XKR7: variants seen among roughly 807,000 people sequenced by gnomAD.
XKR7 encodes the protein XK-related protein 7.
Under a neutral mutation model 42.2 loss-of-function variants are expected in XKR7, and 11 were observed. The ratio of observed to expected loss-of-function variants is 0.26; its 90% CI spans 0.16 to 0.43. The LOEUF (loss-of-function observed/expected upper bound fraction) is 0.43, where lower values mean the gene tolerates loss of function less well. XKR7 is among the 20% of genes least tolerant of loss of function. The probability of loss-of-function intolerance (pLI) is 1.00; values close to 1 mark genes in which losing one functional copy is unlikely to be tolerated. For synonymous variants in XKR7, 346 were observed against 366.4 expected (o/e 0.94, Z 0.64); for missense variants, 710 against 802.2 (o/e 0.89, Z 1.39).
At chr20:31,996,296 C>T (rs79772917) in intron 2 of XKR7, among the ~76,000 whole-genome samples, 2,457 of 152,024 alleles carry the variant, frequency 0.016, 71 homozygotes, top group African/African-American at 0.056. Flanking sequence ...TACAGAAGTA[C>T]CCAGTCCCGT....
At chr20:31,996,298 C>T (rs1171211139) in intron 2 of XKR7, among the ~76,000 whole-genome samples, 1 of 152,020 alleles carries the variant, frequency 6.6e-6, no homozygotes, top group Non-Finnish European at 1.5e-5. Flanking sequence ...CAGAAGTACC[C>T]AGTCCCGTGC....
chr20:31,983,947 CAATAAATAAATA>C lies in XKR7; in HGVS notation c.585-11100_585-11089del, dbSNP rs59966453. Among the ~76,000 whole-genome samples the C allele has an allele frequency of 1.5e-4, 22 of 145,428 alleles. 1 individual carries two copies. Among genetic ancestry groups the C allele is most frequent in the African/African-American group, 4.9e-4 (19 of 38,400 alleles). ...TGGGTGACAGAGCAAGACTCTGTCT[CAATAAATAAATA>C]AATAAATAAATAAATAAATAGCGGG... On this transcript the variant is annotated intron_variant, in intron 1 of 2. Transcript: ENST00000562532.
chr20:31,993,780 C>T (rs564769785), intron 1 of XKR7, among the ~76,000 whole-genome samples: 19 of 152,290 alleles, frequency 1.2e-4, no homozygotes, highest in Non-Finnish European at 2.5e-4. Context: ...CTAGATTAGA[C>T]GGAAGCCTGG....
chr20:31,974,988 G>A (rs1297016708), intron 1 of XKR7, among the ~76,000 whole-genome samples: 3 of 152,038 alleles, frequency 2.0e-5, no homozygotes, highest in South Asian at 2.1e-4. Flanking sequence ...ACACAGCGGC[G>A]GCGGTTGGGC....
chr20:31,968,995 G>A lies in XKR7; in HGVS notation c.584+236G>A, dbSNP rs2064451586. Among the ~76,000 whole-genome samples, 2 of 152,124 alleles carry A rather than the reference G, an allele frequency of 1.3e-5. No individual in the cohort carries two copies. Among genetic ancestry groups the A allele is most frequent in the South Asian group, 4.2e-4 (2 of 4,816 alleles). Reference sequence around the variant, plus strand: ...TGACCTGGCCTTCGAGAGGGGAGGGGATGGTTCAAGAAAGGAGAGAAAGAG... The same window carrying A: ...TGACCTGGCCTTCGAGAGGGGAGGGAATGGTTCAAGAAAGGAGAGAAAGAG... On this transcript the variant is annotated intron_variant, in intron 1 of 2. Coordinates refer to ENST00000562532, the MANE Select transcript of XKR7 (RefSeq NM_001011718.2). The surrounding 1 kb of genome is among the most constrained non-coding windows in gnomAD (Gnocchi z 4.5).
chr20:31,985,282 C>T (rs1451962542), intron 1 of XKR7, among the ~76,000 whole-genome samples: 2 of 152,116 alleles, frequency 1.3e-5, no homozygotes, highest in African/African-American at 4.8e-5. Context: ...GGAGAGGCAG[C>T]GGGGGAGCCA....
chr20:31,975,549 C>A (rs1444686321), intron 1 of XKR7, among the ~76,000 whole-genome samples: 2 of 152,166 alleles, frequency 1.3e-5, no homozygotes, highest in Non-Finnish European at 1.5e-5. Context: ...CTCTGCCCCC[C>A]AGAAACCACC....
intron 1 of XKR7, among the ~76,000 whole-genome samples, chr20:31,988,014 C>T (rs1019344748): frequency 3.9e-5 from 6 of 152,160 alleles, no homozygotes; most frequent in Non-Finnish European, 8.8e-5. Flanking sequence ...AAGGGACAGA[C>T]ACAATAGACA....
Position 31,997,170 on chromosome 20 carries a change from G to T in XKR7, c.1453G>T (p.Asp485Tyr), listed in dbSNP as rs752670500. ...SLPRTTGAER[D>Y]GASAGERAGT... is the part of the protein sequence containing the mutation. Reference sequence around the variant, plus strand: ...GCCAAGGACTACAGGTGCTGAGCGGGATGGGGCCTCGGCGGGAGAGCGTGC... The same window carrying T: ...GCCAAGGACTACAGGTGCTGAGCGGTATGGGGCCTCGGCGGGAGAGCGTGC... The change falls in exon 3 of 3, where the codon GAT (aspartate) becomes TAT (tyrosine). Residue 485 changes from aspartate to tyrosine, a missense_variant. Physicochemically the swap from Asp to Tyr is radical, Grantham distance 160. This residue lies in a region of XKR7 where 708 missense variants were observed against 786.2 expected (regional missense o/e 0.90). Transcript: ENST00000562532. 2.5e-6 allele frequency: 4 copies of T among 1,610,960 alleles called. No individual in the cohort carries two copies. Among genetic ancestry groups the T allele is most frequent in the Non-Finnish European group, 3.4e-6 (4 of 1,180,004 alleles).
Position 31,972,632 on chromosome 20 carries a change from C to T in XKR7, c.584+3873C>T, listed in dbSNP as rs77454203. On this transcript the variant is annotated intron_variant, in intron 1 of 2. Coordinates refer to ENST00000562532, the MANE Select transcript of XKR7 (RefSeq NM_001011718.2). The stretch of plus-strand genomic sequence containing the variant: ...TTCCTAATCTTGAGCTCAGTGGGCC[C>T]CAGCTTCACCCAGATAAGCATGGTT... 7.1e-3 allele frequency among the ~76,000 whole-genome samples: 1,077 copies of T among 152,298 alleles called. 19 individuals are homozygous for T. The highest frequency in any genetic ancestry group is 0.038 in the East Asian group (198 of 5,182).
intron 1 of XKR7, among the ~76,000 whole-genome samples, chr20:31,977,640 A>T (rs1401818762): frequency 6.6e-6 from 1 of 152,228 alleles, no homozygotes; most frequent in Non-Finnish European, 1.5e-5. Flanking sequence ...CTACTTGCTT[A>T]GTAACAAGAT....
chr20:31,991,448 C>A (rs1240858059), intron 1 of XKR7, among the ~76,000 whole-genome samples: 1 of 152,110 alleles, frequency 6.6e-6, no homozygotes, highest in African/African-American at 2.4e-5. Context: ...TCTGCCCTTC[C>A]TGTATCCCAT....
rs2064444195 is a variant in XKR7 at position 31,968,276 on chromosome 20, C to T, written c.101C>T (p.Ala34Val). 3 of 1,168,120 alleles carry T rather than the reference C, an allele frequency of 2.6e-6. No homozygotes were observed. Among genetic ancestry groups the T allele is most frequent in the Middle Eastern group, 3.4e-4 (1 of 2,914 alleles). 72.4% of individuals were successfully genotyped at this position (1,168,120 alleles called of 1,614,324 possible). A position where few individuals can be genotyped will look rare whatever the true frequency, so the allele number is the denominator to read the frequency against. The change falls in exon 1 of 3, where the codon GCG becomes GTG. Residue 34 changes from alanine to valine, a missense_variant. Transcript: ENST00000562532. This position sits in a 1 kb window ranked among gnomAD's most constrained non-coding sequence, Gnocchi z 4.5. ...AGTGCCGGCGGGCGCGGGGAGGCGG[C>T]GGCGGCGGCCGGGCCCCCGGGGGTC... ...RGSAGGRGEA[A>V]AAAGPPGVVG...
chr20:31,975,507 GC>G (rs1446543578), intron 1 of XKR7, among the ~76,000 whole-genome samples: 1 of 152,054 alleles, frequency 6.6e-6, no homozygotes, highest in African/African-American at 2.4e-5. Context: ...CTTCTAAGAA[GC>G]TTTCTCTGAA....
intron 1 of XKR7, among the ~76,000 whole-genome samples, chr20:31,977,215 T>C (rs1341875882): frequency 1.3e-5 from 2 of 152,234 alleles, no homozygotes; most frequent in Non-Finnish European, 2.9e-5. Context: ...GTCAAGTTCC[T>C]TGTATGCAGT....
At chr20:31,989,283 C>CT (rs1404607780) in intron 1 of XKR7, among the ~76,000 whole-genome samples, 1 of 120,692 alleles carries the variant, frequency 8.3e-6, no homozygotes, top group Middle Eastern at 4.2e-3. Context: ...ACACCCCCCC[C>CT]CCAGCGCATC....
At chr20:31,981,457 TGA>T (rs1389714499) in intron 1 of XKR7, among the ~76,000 whole-genome samples, 1 of 152,108 alleles carries the variant, frequency 6.6e-6, no homozygotes, top group African/African-American at 2.4e-5. Flanking sequence ...TTTGGGAGGC[TGA>T]GATGGGTGGA....
intron 1 of XKR7, among the ~76,000 whole-genome samples, chr20:31,973,322 C>T (rs1007045700): frequency 6.6e-6 from 1 of 152,182 alleles, no homozygotes; most frequent in Non-Finnish European, 1.5e-5. Flanking sequence ...ATTTATTAAG[C>T]ACCTGCTGTA....
In XKR7 at chr20:31,968,188, T is replaced by C. The variant is rs2064443012; in HGVS notation, c.13T>C (p.Ser5Pro). Residue 5 changes from serine (S) to proline (P), a missense_variant, in exon 1 of 3, where the codon TCG (serine) becomes CCG (proline). This residue lies in a region of XKR7 where 2 missense variants were observed against 16.0 expected (regional missense o/e 0.12). Coordinates refer to ENST00000562532, the MANE Select transcript of XKR7 (RefSeq NM_001011718.2). This position sits in a 1 kb window ranked among gnomAD's most constrained non-coding sequence, Gnocchi z 4.5. Reference protein sequence around the residue: MAAKSDGAAASASPD... With the variant: MAAKPDGAAASASPD... ...CCTCTCCGCCAACATGGCCGCGAAG[T>C]CGGATGGAGCGGCGGCCTCGGCCAG... The C allele has an allele frequency of 3.4e-6, 4 of 1,170,916 alleles. No individual in the cohort carries two copies. The East Asian group carries it at 1.5e-4, about 44-fold the overall frequency. The allele number at this position is 1,170,916 out of a possible 1,614,324, so 72.5% of individuals were successfully genotyped here.
Sources: gnomAD v4.1 joint callset for allele counts (sites outside exome capture counted in the v4.1 genomes callset) on GRCh38, gnomAD v4.1.1 for gene constraint, gnomAD v4.1.1 regional missense constraint, Gnocchi (gnomAD v3.1) non-coding constraint, MANE v1.5 for transcripts, NCBI Gene and HGNC (gene_info 2026-07-23, HGNC 2026-07-21) for gene names.